The following CCBE1 variants were observed in gnomAD, a reference collection of about 807,000 sequenced individuals.
The protein encoded by CCBE1 is collagen and calcium-binding EGF domain-containing protein 1.
In CCBE1, 37 loss-of-function variants were observed where a neutral mutation model predicts 50.0. The observed-to-expected ratio is 0.74, with a 90% CI of 0.57 to 0.97. CCBE1 has a LOEUF of 0.97. Among genes scored for constraint, CCBE1 ranks in the 50% least tolerant of loss-of-function variants. The pLI is 0.00. For synonymous variants in CCBE1, 234 were observed against 203.7 expected, an observed-to-expected ratio of 1.15 and a Z score of -1.27; for missense variants, 538 against 523.8, an observed-to-expected ratio of 1.03 and a Z score of -0.26.
intron 2 of CCBE1, among the ~76,000 whole-genome samples, chr18:59,622,632 C>A (rs2053727896): frequency 6.6e-6 from 1 of 151,640 alleles, no homozygotes; most frequent in Non-Finnish European, 1.5e-5. Flanking sequence ...GAAACCCCAT[C>A]TCTACTAAAA....
At chr18:59,670,869 G>A (rs1303254926) in intron 2 of CCBE1, among the ~76,000 whole-genome samples, 3 of 152,028 alleles carry the variant, frequency 2.0e-5, no homozygotes, top group African/African-American at 4.8e-5. Flanking sequence ...AATCACTTGA[G>A]CCCGGGAGGC....
chr18:59,676,202 TATACTGTTCTTTTTGCAGGA>T (rs2054500021), intron 2 of CCBE1, among the ~76,000 whole-genome samples: 1 of 152,250 alleles, frequency 6.6e-6, no homozygotes, highest in Non-Finnish European at 1.5e-5. Flanking sequence ...CATCACGTTA[TATACTGTTCTTTTTGCAGGA>T]ATGCTTGGAA....
At chr18:59,437,380 C>A (rs956382346) in intron 10 of CCBE1, among the ~76,000 whole-genome samples, 2 of 152,170 alleles carry the variant, frequency 1.3e-5, no homozygotes, top group Non-Finnish European at 2.9e-5. Context: ...ACAGTAGCCA[C>A]TTCAGGGATG....
chr18:59,558,997 G>C (rs2052693256), intron 2 of CCBE1, among the ~76,000 whole-genome samples: 1 of 152,198 alleles, frequency 6.6e-6, no homozygotes, highest in Admixed American at 6.5e-5. Context: ...GCATGGGCTG[G>C]ACCTGGACCC....
At chr18:59,648,455 C>T (rs1568252822) in intron 2 of CCBE1, among the ~76,000 whole-genome samples, 1 of 152,140 alleles carries the variant, frequency 6.6e-6, no homozygotes, top group South Asian at 2.1e-4. Flanking sequence ...CCTGTAGCCC[C>T]AGCATTTGGA....
At chr18:59,539,333 C>T (rs1434026492) in intron 2 of CCBE1, among the ~76,000 whole-genome samples, 1 of 152,266 alleles carries the variant, frequency 6.6e-6, no homozygotes, top group South Asian at 2.1e-4. Context: ...TTTCAAGGAA[C>T]TGAGAGTGGG....
Position 59,516,088 on chromosome 18 carries a change from A to C in CCBE1, c.213-35850T>G, listed in dbSNP as rs1914357021. On this transcript the variant is annotated intron_variant, in intron 2 of 10. Coordinates refer to ENST00000439986, the MANE Select transcript of CCBE1 (RefSeq NM_133459.4). Reference sequence around the variant, plus strand: ...ATTCTTTTGCTCCAGCCTCCTGAATAACTGGGATTGCATGCATGTCCCACC... The same window carrying C: ...ATTCTTTTGCTCCAGCCTCCTGAATCACTGGGATTGCATGCATGTCCCACC... 2.0e-5 allele frequency among the ~76,000 whole-genome samples: 3 copies of C among 152,258 alleles called. 1 individual carries two copies. The highest frequency in any genetic ancestry group is 2.0e-4 in the Admixed American group (3 of 15,294).
At chr18:59,675,791 T>C (rs1384544453) in intron 2 of CCBE1, among the ~76,000 whole-genome samples, 1 of 152,154 alleles carries the variant, frequency 6.6e-6, no homozygotes, top group Non-Finnish European at 1.5e-5. Flanking sequence ...AGGGTGCTGC[T>C]AGAGGAGGTA....
At chr18:59,664,702 T>C (rs1006037828) in intron 2 of CCBE1, among the ~76,000 whole-genome samples, 1 of 152,070 alleles carries the variant, frequency 6.6e-6, no homozygotes, top group Non-Finnish European at 1.5e-5. Context: ...TTCAGCAACA[T>C]GAGAGTCAGA....
chr18:59,612,836 G>A (rs199664325), intron 2 of CCBE1, among the ~76,000 whole-genome samples: 1 of 62,736 alleles, frequency 1.6e-5, no homozygotes, highest in African/African-American at 5.4e-5. Context: ...GTTTTTTTTT[G>A]TTTTTGTTTT....
intron 2 of CCBE1, among the ~76,000 whole-genome samples, chr18:59,696,272 T>C (rs2054802613): frequency 6.6e-6 from 1 of 152,156 alleles, no homozygotes; most frequent in African/African-American, 2.4e-5. Flanking sequence ...ACGCTGTACT[T>C]TCAAAACAAA....
chr18:59,632,486 C>G (rs1406208780), intron 2 of CCBE1, among the ~76,000 whole-genome samples: 1 of 152,202 alleles, frequency 6.6e-6, no homozygotes, highest in Admixed American at 6.5e-5. Context: ...GTTGGCCAGG[C>G]TGGTCTTGAA....
chr18:59,547,924 C>A (rs538338500), intron 2 of CCBE1, among the ~76,000 whole-genome samples: 1 of 152,212 alleles, frequency 6.6e-6, no homozygotes, highest in African/African-American at 2.4e-5. Flanking sequence ...TAAGAACACA[C>A]GGGCATTTTG....
In CCBE1 at chr18:59,522,993, C is replaced by CAAAAAAAAAAAAAAAAA. The variant is rs57217059; in HGVS notation, c.213-42772_213-42756dup. Among the ~76,000 whole-genome samples, 352 of 89,194 alleles carry CAAAAAAAAAAAAAAAAA rather than the reference C, an allele frequency of 3.9e-3. 31 individuals carry two copies. The highest frequency in any genetic ancestry group is 0.01 in the South Asian group (21 of 2,086). The allele number at this position is 89,194 out of a possible 152,430, so 58.5% of individuals were successfully genotyped here. ...GGCAACAGAGTGAGAGACTCTGTTTCAAAAAAAAAAAAAAAAAAAATTCTC... is the reference window on the plus strand; with the variant it reads ...GGCAACAGAGTGAGAGACTCTGTTTCAAAAAAAAAAAAAAAAAAAAAAAAAAAAAAAAAAAAATTCTC... On this transcript the variant is annotated intron_variant, in intron 2 of 10. Coordinates refer to ENST00000439986, the MANE Select transcript of CCBE1 (RefSeq NM_133459.4).
At chr18:59,609,400 AC>A (rs1366404846) in intron 2 of CCBE1, among the ~76,000 whole-genome samples, 2 of 152,060 alleles carry the variant, frequency 1.3e-5, no homozygotes, top group Admixed American at 6.5e-5. Flanking sequence ...CTTAACATCC[AC>A]CCTCATCACC....
intron 2 of CCBE1, among the ~76,000 whole-genome samples, chr18:59,604,156 C>T (rs529181192): frequency 4.8e-4 from 73 of 152,260 alleles, no homozygotes; most frequent in African/African-American, 1.7e-3. Flanking sequence ...TAAGGAGGGC[C>T]CCTCTTCACC....
intron 2 of CCBE1, among the ~76,000 whole-genome samples, chr18:59,520,099 G>C (rs1423542508): frequency 6.6e-6 from 1 of 152,166 alleles, no homozygotes; most frequent in East Asian, 1.9e-4. Context: ...TTTGAAGTCA[G>C]GCAGCATGAT....
intron 2 of CCBE1, among the ~76,000 whole-genome samples, chr18:59,609,735 C>T (rs956337539): frequency 3.3e-5 from 5 of 152,198 alleles, no homozygotes; most frequent in Non-Finnish European, 7.3e-5. Context: ...AAGGCATTTT[C>T]TATAGAGGGT....
intron 2 of CCBE1, among the ~76,000 whole-genome samples, chr18:59,692,624 C>A (rs888134406): frequency 6.6e-6 from 1 of 152,178 alleles, no homozygotes; most frequent in Non-Finnish European, 1.5e-5. Context: ...CTTCAAAGCA[C>A]TCCAAGTAAA....
Sources: allele counts gnomAD v4.1 joint callset (sites outside exome capture counted in the v4.1 genomes callset), GRCh38; gene constraint gnomAD v4.1.1; transcripts MANE v1.5; gene names NCBI Gene and HGNC (gene_info 2026-07-23, HGNC 2026-07-21).